GBE1: variants seen among roughly 807,000 people sequenced by gnomAD.
The protein encoded by GBE1 is 1,4-alpha-glucan-branching enzyme.
A neutral mutation model predicts 88.8 loss-of-function variants in GBE1; 70 were observed. The ratio of observed to expected loss-of-function variants is 0.79; its 90% CI spans 0.65 to 0.96. The LOEUF (loss-of-function observed/expected upper bound fraction) is 0.96, where lower values mean the gene tolerates loss of function less well. Among genes scored for constraint, GBE1 ranks in the 40% least tolerant of loss-of-function variants. The pLI, the probability that GBE1 is intolerant of heterozygous loss-of-function variation, is 0.00. For missense variants in GBE1, 872 were observed against 871.0 expected, an observed-to-expected ratio of 1.00 and a Z score of -0.01; for synonymous variants, 284 against 300.1, an observed-to-expected ratio of 0.95 and a Z score of 0.56.
At chr3:81,667,410 C>T (rs1705126972) in intron 3 of GBE1, among the ~76,000 whole-genome samples, 1 of 152,182 alleles carries the variant, frequency 6.6e-6, no homozygotes, top group Non-Finnish European at 1.5e-5. Flanking sequence ...ATTTGACTTC[C>T]TCTCTTCCTT....
At chr3:81,639,470 T>C (rs188579450) in intron 7 of GBE1, among the ~76,000 whole-genome samples, 11 of 152,178 alleles carry the variant, frequency 7.2e-5, no homozygotes, top group African/African-American at 2.6e-4. Flanking sequence ...ATTTGTAAAG[T>C]AGCATATTCG....
chr3:81,597,306 A>AC, intron 7 of GBE1, among the ~76,000 whole-genome samples: 1 of 151,678 alleles, frequency 6.6e-6, no homozygotes, highest in East Asian at 1.9e-4. Flanking sequence ...GCCAGGACTT[A>AC]GATTACTCCA....
intron 1 of GBE1, among the ~76,000 whole-genome samples, chr3:81,710,646 A>C (rs1291198464): frequency 6.6e-6 from 1 of 152,116 alleles, no homozygotes; most frequent in Admixed American, 6.6e-5. Flanking sequence ...GTAAGGAATC[A>C]ATGAAACAGC....
chr3:81,552,321 C>T (rs1703281851), intron 12 of GBE1, among the ~76,000 whole-genome samples: 1 of 152,176 alleles, frequency 6.6e-6, no homozygotes, highest in Admixed American at 6.5e-5. Flanking sequence ...AACTCAAGAC[C>T]AGCCTGGCCA....
Position 81,507,381 on chromosome 3 carries a change from T to G in GBE1, c.1935-8154A>C, listed in dbSNP as rs368528568. 2.2e-3 allele frequency among the ~76,000 whole-genome samples: 330 copies of G among 151,982 alleles called. 7 individuals carry two copies. The East Asian group carries it at 0.054, about 25-fold the overall frequency. ...AGATCGAGACCATCCTGGCTAACAC[T>G]GTGAAACCCTGTCTCTACTAAAAAT... On this transcript the variant is annotated intron_variant, in intron 14 of 15. Transcript: ENST00000429644.
intron 1 of GBE1, among the ~76,000 whole-genome samples, chr3:81,753,926 C>T (rs1706568281): frequency 6.6e-6 from 1 of 152,124 alleles, no homozygotes; most frequent in Admixed American, 6.6e-5. Context: ...AACTTCTGCG[C>T]TGTGGGAACC....
chr3:81,535,117 C>CT lies in GBE1; in HGVS notation c.1934+77dup, dbSNP rs60133692. On this transcript the variant is annotated intron_variant, in intron 14 of 15. Transcript: ENST00000429644. Reference sequence around the variant, plus strand: ...TTCTGTCATCAAGATCAACCTTAGTCTTTTTTTTTTTTTTGTCCTATAATG... The same window carrying CT: ...TTCTGTCATCAAGATCAACCTTAGTCTTTTTTTTTTTTTTTGTCCTATAATG... The CT allele has an allele frequency of 0.011, 11,313 of 1,022,992 alleles. 15 individuals carry two copies. Among genetic ancestry groups the CT allele is most frequent in the African/African-American group, 0.026 (1,405 of 54,758 alleles). The allele number at this position is 1,022,992 out of a possible 1,614,324, so 63.4% of individuals were successfully genotyped here.
At chr3:81,662,639 T>G (rs1705046962) in intron 3 of GBE1, among the ~76,000 whole-genome samples, 1 of 151,070 alleles carries the variant, frequency 6.6e-6, no homozygotes, top group South Asian at 2.1e-4. Context: ...CATCAATCAT[T>G]TTGCCAAACA....
At chr3:81,721,503 T>C (rs1706035635) in intron 1 of GBE1, among the ~76,000 whole-genome samples, 1 of 152,152 alleles carries the variant, frequency 6.6e-6, no homozygotes, top group Non-Finnish European at 1.5e-5. Flanking sequence ...AGTGAAATAG[T>C]GAACTCACAT....
Position 81,610,172 on chromosome 3 carries a change from AT to A in GBE1, c.993-16150del, listed in dbSNP as rs1704160312. On this transcript the variant is annotated intron_variant, in intron 7 of 15. Transcript: ENST00000429644. ...CTACATGTCTGGCCCACTGGTTCAAATTTTGAGTTTTACCCTAGAGCAATAG... is the reference window on the plus strand; with the variant it reads ...CTACATGTCTGGCCCACTGGTTCAAATTTGAGTTTTACCCTAGAGCAATAG... 2.6e-5 allele frequency among the ~76,000 whole-genome samples: 4 copies of A among 152,266 alleles called. No individual in the cohort carries two copies. The South Asian group carries it at 6.2e-4, about 24-fold the overall frequency.
At chr3:81,527,349 C>T (rs1380315914) in intron 14 of GBE1, among the ~76,000 whole-genome samples, 1 of 152,052 alleles carries the variant, frequency 6.6e-6, no homozygotes, top group East Asian at 1.9e-4. Context: ...GCAATGGCAA[C>T]AAAAGCCAAA....
chr3:81,633,929 C>A (rs1268064332), intron 7 of GBE1, among the ~76,000 whole-genome samples: 1 of 152,106 alleles, frequency 6.6e-6, no homozygotes, highest in Non-Finnish European at 1.5e-5. Context: ...ACATTTTAAA[C>A]TAATTGTATG....
intron 14 of GBE1, among the ~76,000 whole-genome samples, chr3:81,532,606 C>T (rs1283894643): frequency 6.6e-6 from 1 of 152,080 alleles, no homozygotes; most frequent in African/African-American, 2.4e-5. Flanking sequence ...CACACTGGTA[C>T]ATGAGAACTT....
intron 8 of GBE1, among the ~76,000 whole-genome samples, chr3:81,593,192 G>A (rs990254308): frequency 1.3e-5 from 2 of 151,598 alleles, no homozygotes; most frequent in South Asian, 4.2e-4. Context: ...GTGAAACCCC[G>A]TCTCTATTAA....
intron 6 of GBE1, among the ~76,000 whole-genome samples, chr3:81,643,926 C>A (rs1704728122): frequency 6.6e-6 from 1 of 152,190 alleles, no homozygotes; most frequent in Non-Finnish European, 1.5e-5. Flanking sequence ...ACTGCACCAT[C>A]TACTGGCTCT....
chr3:81,646,898 A>G (rs1704772558), intron 5 of GBE1, among the ~76,000 whole-genome samples: 1 of 151,612 alleles, frequency 6.6e-6, no homozygotes. Flanking sequence ...ATATATTTCA[A>G]TCCTTTTTTC....
intron 12 of GBE1, among the ~76,000 whole-genome samples, chr3:81,573,784 T>A (rs959456795): frequency 1.7e-4 from 26 of 151,844 alleles, no homozygotes; most frequent in Admixed American, 2.0e-4. Flanking sequence ...TCTGTGTGTG[T>A]GTGTGTGTGT....
chr3:81,599,975 T>C (rs1441970809), intron 7 of GBE1, among the ~76,000 whole-genome samples: 1 of 152,228 alleles, frequency 6.6e-6, no homozygotes, highest in Non-Finnish European at 1.5e-5. Context: ...TTAACTATCA[T>C]ATTTAGATAA....
chr3:81,752,729 C>T (rs76389996), intron 1 of GBE1, among the ~76,000 whole-genome samples: 71 of 152,220 alleles, frequency 4.7e-4, no homozygotes, highest in African/African-American at 1.4e-3. Flanking sequence ...TCACCTCATT[C>T]ACACAATCAC....
Sources: gnomAD v4.1 joint callset for allele counts (sites outside exome capture counted in the v4.1 genomes callset) on GRCh38, gnomAD v4.1.1 for gene constraint, MANE v1.5 for transcripts, NCBI Gene and HGNC (gene_info 2026-07-23, HGNC 2026-07-21) for gene names.